Variants in MCC observed in about 807,000 individuals in gnomAD.
MCC encodes colorectal mutant cancer protein.
In MCC, 90 loss-of-function variants were observed where a neutral mutation model predicts 116.2. That is an observed-to-expected ratio of 0.77 (90% CI 0.65 to 0.92). MCC has a LOEUF of 0.92. Among genes scored for constraint, MCC ranks in the 40% least tolerant of loss-of-function variants. The probability of loss-of-function intolerance (pLI) is 0.00; values close to 1 mark genes in which losing one functional copy is unlikely to be tolerated. For synonymous variants in MCC, 578 were observed against 510.5 expected (o/e 1.13, Z -1.78); for missense variants, 1,516 against 1,312.2 (o/e 1.16, Z -2.40).
chr5:113,155,230 G>T (rs983004164), intron 3 of MCC, among the ~76,000 whole-genome samples: 1 of 152,112 alleles, frequency 6.6e-6, no homozygotes, highest in Non-Finnish European at 1.5e-5. Context: ...CTTTATTATG[G>T]CTGAATAATA....
chr5:113,175,660 A>C (rs1195865659), intron 3 of MCC, among the ~76,000 whole-genome samples: 4 of 152,172 alleles, frequency 2.6e-5, no homozygotes, highest in African/African-American at 9.7e-5. Context: ...AGGTCGTATG[A>C]AATTTGTATT....
At chr5:113,291,800 C>T (rs888022599) in intron 3 of MCC, among the ~76,000 whole-genome samples, 12 of 152,124 alleles carry the variant, frequency 7.9e-5, no homozygotes, top group African/African-American at 2.7e-4. Flanking sequence ...CACCAAAGAT[C>T]TAATGTGAGG....
chr5:113,082,943 A>C lies in MCC; in HGVS notation c.1701T>G (p.Ile567Met), dbSNP rs149825248. The C allele has an allele frequency of 6.2e-7, 1 of 1,614,044 alleles. No individual in the cohort carries two copies. Among genetic ancestry groups the C allele is most frequent in the Non-Finnish European group, 8.5e-7 (1 of 1,180,028 alleles). The change falls in exon 11 of 19, where the codon ATT becomes ATG. Residue 567 changes from isoleucine to methionine, a missense_variant. Coordinates refer to ENST00000408903, the MANE Select transcript of MCC (RefSeq NM_001085377.2). ...ATCCGTGTGAGTAGAGTGTTTGGAA[A>C]ATCTCTTGGATATTGGAGCAGTCCT... The part of the protein sequence containing the change: ...SLQDCSNIQE[I>M]FQTLYSHGSA...
chr5:113,222,468 G>C (rs1763588183), intron 3 of MCC, among the ~76,000 whole-genome samples: 1 of 152,020 alleles, frequency 6.6e-6, no homozygotes, highest in Non-Finnish European at 1.5e-5. Context: ...AATTTTTTTG[G>C]AAAGAATTTA....
intron 3 of MCC, among the ~76,000 whole-genome samples, chr5:113,291,996 G>A (rs778260252): frequency 3.3e-5 from 5 of 152,198 alleles, no homozygotes; most frequent in East Asian, 1.9e-4. Flanking sequence ...TGTACAAGCC[G>A]AGGCAGGCGG....
intron 3 of MCC, among the ~76,000 whole-genome samples, chr5:113,244,874 A>G (rs1358811470): frequency 6.6e-6 from 1 of 152,264 alleles, no homozygotes; most frequent in East Asian, 1.9e-4. Context: ...AAAATCCACT[A>G]TAACAAATTT....
intron 2 of MCC, among the ~76,000 whole-genome samples, chr5:113,354,519 C>T (rs1351982826): frequency 6.6e-6 from 1 of 150,496 alleles, no homozygotes; most frequent in Non-Finnish European, 1.5e-5. Flanking sequence ...ACTGCAATCT[C>T]CACCTCCTGG....
intron 6 of MCC, among the ~76,000 whole-genome samples, chr5:113,114,278 C>T (rs903602133): frequency 5.9e-5 from 9 of 152,194 alleles, no homozygotes; most frequent in African/African-American, 1.4e-4. Context: ...GCAAGAAGGT[C>T]TCACAAGGTC....
chr5:113,213,675 G>A (rs888204885), intron 3 of MCC, among the ~76,000 whole-genome samples: 5 of 152,338 alleles, frequency 3.3e-5, no homozygotes, highest in Admixed American at 2.6e-4. Context: ...AGTACTGAGA[G>A]TGGTGGGCAC....
intron 3 of MCC, among the ~76,000 whole-genome samples, chr5:113,314,397 T>G (rs1298028826): frequency 6.6e-6 from 1 of 152,204 alleles, no homozygotes; most frequent in African/African-American, 2.4e-5. Flanking sequence ...GGTCCTGAGT[T>G]GTTCAAAATT....
At chr5:113,458,549 C>A (rs1771647235) in intron 1 of MCC, among the ~76,000 whole-genome samples, 1 of 152,206 alleles carries the variant, frequency 6.6e-6, no homozygotes, top group African/African-American at 2.4e-5. Flanking sequence ...ATTCCAGACA[C>A]AATAATGCTT....
rs1334293773 is a variant in MCC at position 113,027,342 on chromosome 5, T to G, written c.3020A>C (p.Glu1007Ala). 1.9e-6 allele frequency: 3 copies of G among 1,614,070 alleles called. No homozygotes were observed. In the African/African-American group the frequency reaches 4.0e-5, roughly 22 times the overall value. ...MLKQRIALLE[E>A]ENSRPHTNET... The stretch of plus-strand genomic sequence containing the variant: ...ATTGGTGTGTGGCCTGGAGTTCTCC[T>G]CCTCTAGCAGAGCTATTCTTTGCTT... The change falls in exon 19 of 19, where the codon GAG becomes GCG. Residue 1007 changes from glutamate (E) to alanine (A), a missense_variant. Transcript: ENST00000408903.
intron 3 of MCC, among the ~76,000 whole-genome samples, chr5:113,195,047 T>C (rs1449827953): frequency 2.6e-5 from 4 of 152,178 alleles, no homozygotes; most frequent in African/African-American, 9.7e-5. Flanking sequence ...CCATTTCAGA[T>C]AGTGATTGTG....
intron 11 of MCC, among the ~76,000 whole-genome samples, chr5:113,074,989 T>G (rs1485637998): frequency 6.6e-6 from 1 of 152,232 alleles, no homozygotes; most frequent in Non-Finnish European, 1.5e-5. Flanking sequence ...ACCACTGCAC[T>G]GTGGGGGCCC....
chr5:113,218,558 G>A (rs78961882), intron 3 of MCC, among the ~76,000 whole-genome samples: 2,778 of 152,316 alleles, frequency 0.018, 91 homozygotes, highest in African/African-American at 0.063. Flanking sequence ...ACAATGCCCA[G>A]AGGTAGAAAT....
intron 1 of MCC, among the ~76,000 whole-genome samples, chr5:113,463,879 T>C (rs1204809798): frequency 6.6e-6 from 1 of 152,120 alleles, no homozygotes; most frequent in Non-Finnish European, 1.5e-5. Context: ...CCTTAAAATA[T>C]TCTAACACTC....
intron 2 of MCC, among the ~76,000 whole-genome samples, chr5:113,374,667 C>CA (rs1471883541): frequency 1.3e-5 from 2 of 151,960 alleles, no homozygotes; most frequent in Admixed American, 1.3e-4. Flanking sequence ...ACTTTTCCTC[C>CA]AAATAGTCAA....
At chr5:113,292,076 A>T (rs13188803) in intron 3 of MCC, among the ~76,000 whole-genome samples, 21,778 of 152,028 alleles carry the variant, frequency 0.14, 2,114 homozygotes, top group Non-Finnish European at 0.2. Flanking sequence ...CTAAAAATAT[A>T]AAAAAATTAG....
At chr5:113,207,025 G>A (rs1762942202) in intron 3 of MCC, among the ~76,000 whole-genome samples, 1 of 152,180 alleles carries the variant, frequency 6.6e-6, no homozygotes, top group Non-Finnish European at 1.5e-5. Flanking sequence ...TAATTCAAAT[G>A]AGAGCCTTTG....
Sources: gnomAD v4.1 joint callset for allele counts (sites outside exome capture counted in the v4.1 genomes callset) on GRCh38, gnomAD v4.1.1 for gene constraint, MANE v1.5 for transcripts, NCBI Gene and HGNC (gene_info 2026-07-23, HGNC 2026-07-21) for gene names.